BCL2L13: variants seen among roughly 807,000 people sequenced by gnomAD.
BCL2L13 encodes the protein BCL2 like 13.
In BCL2L13, 13 loss-of-function variants were observed where a neutral mutation model predicts 25.8. The observed-to-expected ratio is 0.50, with a 90% CI of 0.33 to 0.80. BCL2L13 has a LOEUF of 0.80. Ranked by LOEUF, BCL2L13 falls within the 30% of genes least tolerant of loss-of-function variation. The probability of loss-of-function intolerance (pLI) is 0.02; values close to 1 mark genes in which losing one functional copy is unlikely to be tolerated. For missense variants in BCL2L13, 504 were observed against 574.9 expected, an observed-to-expected ratio of 0.88 and a Z score of 1.26; for synonymous variants, 244 against 230.3, an observed-to-expected ratio of 1.06 and a Z score of -0.54.
chr22:17,678,583 A>G lies in BCL2L13; in HGVS notation c.122-4631A>G, dbSNP rs552362412. 6.6e-5 allele frequency among the ~76,000 whole-genome samples: 10 copies of G among 152,258 alleles called. No individual in the cohort carries two copies. In the South Asian group the frequency reaches 8.3e-4, roughly 13 times the overall value. Reference sequence around the variant, plus strand: ...CCAAGCTTCAGTTTCCTCATCTTCAAATGGAACTATTATTTCATCCCTCAT... The same window carrying G: ...CCAAGCTTCAGTTTCCTCATCTTCAGATGGAACTATTATTTCATCCCTCAT... On this transcript the variant is annotated intron_variant, in intron 2 of 6. Coordinates refer to ENST00000317582, the MANE Select transcript of BCL2L13 (RefSeq NM_015367.4).
chr22:17,648,174 T>C lies in BCL2L13; in HGVS notation c.-50-7488T>C, dbSNP rs577586914. 3.3e-5 allele frequency among the ~76,000 whole-genome samples: 5 copies of C among 152,176 alleles called. 1 individual carries two copies. Among genetic ancestry groups the C allele is most frequent in the Non-Finnish European group, 7.4e-5 (5 of 67,982 alleles). ...ATTGTGCAATATACTTATTAGACACTGCAGAATGTTGCAAAGGAAGTGGGT... is the reference window on the plus strand; with the variant it reads ...ATTGTGCAATATACTTATTAGACACCGCAGAATGTTGCAAAGGAAGTGGGT... On this transcript the variant is annotated intron_variant, in intron 1 of 6. Transcript: ENST00000317582.
intron 6 of BCL2L13, among the ~76,000 whole-genome samples, chr22:17,704,105 T>A (rs552161592): frequency 1.7e-4 from 26 of 152,358 alleles, no homozygotes; most frequent in African/African-American, 6.3e-4. Context: ...TCTTTTTTTT[T>A]TGAAACAGTC....
At chr22:17,642,108 T>G (rs2058311026) in intron 1 of BCL2L13, among the ~76,000 whole-genome samples, 1 of 146,016 alleles carries the variant, frequency 6.8e-6, no homozygotes, top group South Asian at 2.2e-4. Context: ...CAATATGTGG[T>G]CTTTTGTGTC....
intron 4 of BCL2L13, chr22:17,695,850 G>T: frequency 2.4e-5 from 6 of 250,206 alleles, no homozygotes; most frequent in East Asian, 6.8e-5. Context: ...GTATTTCTTT[G>T]CAGCATAAAA....
chr22:17,699,087 G>T (rs1261566602), intron 5 of BCL2L13, among the ~76,000 whole-genome samples: 1 of 151,998 alleles, frequency 6.6e-6, no homozygotes, highest in Non-Finnish European at 1.5e-5. Context: ...AATCTTTTTG[G>T]CAAGAATACC....
chr22:17,701,204 T>C (rs1228383315), intron 5 of BCL2L13, among the ~76,000 whole-genome samples: 1 of 152,218 alleles, frequency 6.6e-6, no homozygotes, highest in African/African-American at 2.4e-5. Context: ...AATGGCATCT[T>C]TTATGTTTGA....
At chr22:17,704,202 C>T (rs2060523401) in intron 6 of BCL2L13, among the ~76,000 whole-genome samples, 2 of 152,144 alleles carry the variant, frequency 1.3e-5, no homozygotes, top group South Asian at 4.1e-4. Context: ...TCTTGTGCCT[C>T]AGCCTCCTGA....
intron 6 of BCL2L13, among the ~76,000 whole-genome samples, chr22:17,720,674 T>TG (rs1183897736): frequency 6.6e-6 from 1 of 151,478 alleles, no homozygotes; most frequent in African/African-American, 2.4e-5. Context: ...CTTAATTTTT[T>TG]TTTTTTTTTT....
Position 17,643,243 on chromosome 22 carries a change from C to A in BCL2L13, c.-51+4357C>A, listed in dbSNP as rs1189716536. Among the ~76,000 whole-genome samples, 8 of 152,076 alleles carry A rather than the reference C, an allele frequency of 5.3e-5. No individual in the cohort carries two copies. The South Asian group carries it at 8.3e-4, about 16-fold the overall frequency. On this transcript the variant is annotated intron_variant, in intron 1 of 6. Transcript: ENST00000317582. ...TTTAAAAATGATACTTGTCCAGTTG[C>A]ATTTTTCAGATGGGTGGGGTGAATT...
At chr22:17,706,135 C>T (rs149182365) in intron 6 of BCL2L13, among the ~76,000 whole-genome samples, 1 of 152,172 alleles carries the variant, frequency 6.6e-6, no homozygotes, top group African/African-American at 2.4e-5. Context: ...CCACCTCAGC[C>T]TCCCTAGTAG....
At chr22:17,644,108 A>AC (rs1417750381) in intron 1 of BCL2L13, among the ~76,000 whole-genome samples, 1 of 150,714 alleles carries the variant, frequency 6.6e-6, no homozygotes, top group Non-Finnish European at 1.5e-5. Flanking sequence ...ATGGGATTTC[A>AC]CCATGTTGGC....
intron 2 of BCL2L13, among the ~76,000 whole-genome samples, chr22:17,657,825 T>TTC (rs981996990): frequency 3.2e-4 from 29 of 89,236 alleles, no homozygotes; most frequent in Non-Finnish European, 4.8e-4. Context: ...TGACATTTCT[T>TTC]TTTTTTTTTT....
chr22:17,663,145 A>C (rs2059126168), intron 2 of BCL2L13, among the ~76,000 whole-genome samples: 1 of 152,178 alleles, frequency 6.6e-6, no homozygotes, highest in African/African-American at 2.4e-5. Context: ...TGCTGGGATT[A>C]CAGGCGTGAG....
chr22:17,689,009 C>T lies in BCL2L13; in HGVS notation c.253C>T (p.Arg85Cys), dbSNP rs1253768070. ...AGCCTTCACCAGCACAGGCTTTGAC[C>T]GTCACACTTCTCCAGTGTTCAGCCC... ...SEAFTSTGFD[R>C]HTSPVFSPAN... Residue 85 changes from arginine to cysteine, a missense_variant, in exon 4 of 7, where the codon CGT (arginine) becomes TGT (cysteine). Coordinates refer to ENST00000317582, the MANE Select transcript of BCL2L13 (RefSeq NM_015367.4). 1.4e-5 allele frequency: 22 copies of T among 1,613,774 alleles called. 1 individual carries two copies. The highest frequency in any genetic ancestry group is 8.3e-5 in the Admixed American group (5 of 59,958).
At chr22:17,632,178 A>G (rs2058041729) in intron 1 of BCL2L13, among the ~76,000 whole-genome samples, 1 of 152,150 alleles carries the variant, frequency 6.6e-6, no homozygotes, top group Admixed American at 6.6e-5. Context: ...ATTTACCCAC[A>G]GGACAATAAA....
chr22:17,698,677 C>G (rs1002149675), intron 5 of BCL2L13, among the ~76,000 whole-genome samples: 2 of 151,534 alleles, frequency 1.3e-5, no homozygotes, highest in Non-Finnish European at 2.9e-5. Flanking sequence ...TGCAGTGAGC[C>G]GAGATCATGC....
Position 17,728,439 on chromosome 22 carries a change from T to C in BCL2L13, c.*905T>C, listed in dbSNP as rs9967. 69,043 of 152,132 alleles carry C rather than the reference T, an allele frequency of 0.45. 16,545 individuals carry two copies. Among genetic ancestry groups the C allele is most frequent in the East Asian group, 0.81 (4,206 of 5,178 alleles). 9.4% of individuals were successfully genotyped at this position (152,132 alleles called of 1,614,324 possible). Reference sequence around the variant, plus strand: ...CTTGTGTCAAGGCAGGAGGATAACCTGGATGACCTTCTGAGGTCTCTTCAG... The same window carrying C: ...CTTGTGTCAAGGCAGGAGGATAACCCGGATGACCTTCTGAGGTCTCTTCAG... On this transcript the variant is annotated 3_prime_UTR_variant, in exon 7 of 7. Coordinates refer to ENST00000317582, the MANE Select transcript of BCL2L13 (RefSeq NM_015367.4).
intron 1 of BCL2L13, among the ~76,000 whole-genome samples, chr22:17,642,595 G>A (rs551852578): frequency 2.0e-5 from 3 of 148,670 alleles, no homozygotes; most frequent in Non-Finnish European, 4.5e-5. Flanking sequence ...AAGTTGATGG[G>A]CATTTTTTTT....
At chr22:17,638,751 G>A (rs1264998322), upstream of BCL2L13, 1 of 1,231,596 alleles carries the variant, frequency 8.1e-7, no homozygotes, top group African/African-American at 1.6e-5. Flanking sequence ...ACGCCGGGGT[G>A]ACCTCACCCT....
Sources: gnomAD v4.1 joint callset for allele counts (sites outside exome capture counted in the v4.1 genomes callset) on GRCh38, gnomAD v4.1.1 for gene constraint, MANE v1.5 for transcripts, NCBI Gene and HGNC (gene_info 2026-07-23, HGNC 2026-07-21) for gene names.